TSKU: variants seen among roughly 807,000 people sequenced by gnomAD.
TSKU encodes the protein tsukushi, small leucine rich proteoglycan.
A neutral mutation model predicts 11.2 loss-of-function variants in TSKU; 4 were observed. The ratio of observed to expected loss-of-function variants is 0.36; its 90% CI spans 0.18 to 0.82. The LOEUF is 0.82. Among genes scored for constraint, TSKU ranks in the 40% least tolerant of loss-of-function variants. The pLI is 0.50. For synonymous variants in TSKU, 220 were observed against 232.2 expected (o/e 0.95, Z 0.48); for missense variants, 407 against 482.5 (o/e 0.84, Z 1.47).
In TSKU at chr11:76,796,198, C is replaced by A. The variant is rs762797946; in HGVS notation, c.582C>A (p.Asn194Lys). The change falls in exon 2 of 2, where the codon AAC becomes AAA. Residue 194 changes from asparagine (N) to lysine (K), a missense_variant. By Grantham distance (94) the Asn-to-Lys change is moderately conservative. Coordinates refer to ENST00000333090, the MANE Select transcript of TSKU (RefSeq NM_015516.4). This position sits in a 1 kb window ranked among gnomAD's most constrained non-coding sequence, Gnocchi z 4.1. Reference protein sequence around the residue: ...PTIQSLNLAWNRLHAVPNLRD... With the variant: ...PTIQSLNLAWKRLHAVPNLRD... ...TTCAGAGCCTGAACCTGGCCTGGAA[C>A]CGGCTCCATGCCGTGCCCAACCTCC... 11 of 1,613,688 alleles carry A rather than the reference C, an allele frequency of 6.8e-6. No homozygotes were observed. The highest frequency in any genetic ancestry group is 5.1e-6 in the Non-Finnish European group (6 of 1,180,018).
rs1251649994 is a variant in TSKU at position 76,796,166 on chromosome 11, C to T, written c.550C>T (p.Pro184Ser). The T allele has an allele frequency of 6.2e-7, 1 of 1,613,528 alleles. No individual in the cohort carries two copies. Among genetic ancestry groups the T allele is most frequent in the Admixed American group, 1.7e-5 (1 of 60,006 alleles). Residue 184 changes from proline (P) to serine (S), a missense_variant, in exon 2 of 2, where the codon CCC becomes TCC. Physicochemically the swap from Pro to Ser is moderately conservative, Grantham distance 74. Transcript: ENST00000333090. This position sits in a 1 kb window ranked among gnomAD's most constrained non-coding sequence, Gnocchi z 4.1. ...CCCCACGAGGGCCGGCCTGCCTGCG[C>T]CCACCATTCAGAGCCTGAACCTGGC... Reference protein sequence around the residue: ...PHPTRAGLPAPTIQSLNLAWN... With the variant: ...PHPTRAGLPASTIQSLNLAWN...
chr11:76,785,109 A>G (rs1333245489), intron 1 of TSKU, among the ~76,000 whole-genome samples: 2 of 152,236 alleles, frequency 1.3e-5, no homozygotes, highest in East Asian at 3.9e-4. Flanking sequence ...GAAGGCTGCA[A>G]TGCAACCGCC....
At chr11:76,788,140 G>A (rs1944329864) in intron 1 of TSKU, among the ~76,000 whole-genome samples, 1 of 152,006 alleles carries the variant, frequency 6.6e-6, no homozygotes. Context: ...GATTTCCTCG[G>A]CATCAGCTTG....
In TSKU at chr11:76,796,193, T is replaced by C. The variant is rs1401561795; in HGVS notation, c.577T>C (p.Trp193Arg). 1.2e-6 allele frequency: 2 copies of C among 1,613,674 alleles called. No homozygotes were observed. Among genetic ancestry groups the C allele is most frequent in the Admixed American group, 3.3e-5 (2 of 60,030 alleles). Residue 193 changes from tryptophan (W) to arginine (R), a missense_variant, in exon 2 of 2, where the codon TGG becomes CGG. Coordinates refer to ENST00000333090, the MANE Select transcript of TSKU (RefSeq NM_015516.4). This position sits in a 1 kb window ranked among gnomAD's most constrained non-coding sequence, Gnocchi z 4.1. Reference sequence around the variant, plus strand: ...CACCATTCAGAGCCTGAACCTGGCCTGGAACCGGCTCCATGCCGTGCCCAA... The same window carrying C: ...CACCATTCAGAGCCTGAACCTGGCCCGGAACCGGCTCCATGCCGTGCCCAA... ...APTIQSLNLA[W>R]NRLHAVPNLR...
chr11:76,786,447 C>T (rs534291103), intron 1 of TSKU, among the ~76,000 whole-genome samples: 6 of 152,184 alleles, frequency 3.9e-5, no homozygotes, highest in East Asian at 1.9e-4. Context: ...GAGGGAACAA[C>T]GTGTGCAAAA....
intron 1 of TSKU, among the ~76,000 whole-genome samples, chr11:76,790,750 C>G (rs189032708): frequency 1.3e-5 from 2 of 152,282 alleles, no homozygotes; most frequent in East Asian, 1.9e-4. Context: ...TATATGTTGC[C>G]CAGTCTCAGG....
chr11:76,795,709 C>T lies in TSKU; in HGVS notation c.93C>T (p.Phe31=), dbSNP rs761387735. 54 of 1,614,086 alleles carry T rather than the reference C, an allele frequency of 3.3e-5. No homozygotes were observed. In the East Asian group the frequency reaches 8.9e-4, roughly 27 times the overall value. ...FPGCQCEVET[F]GLFDSFSLTR... ...GGTGCCAATGCGAGGTGGAGACCTTCGGCCTTTTCGACAGCTTCAGCCTGA... is the reference window on the plus strand; with the variant it reads ...GGTGCCAATGCGAGGTGGAGACCTTTGGCCTTTTCGACAGCTTCAGCCTGA... Residue 31 remains phenylalanine (F), a synonymous_variant, in exon 2 of 2, where the codon TTC becomes TTT. Transcript: ENST00000333090.
intron 1 of TSKU, among the ~76,000 whole-genome samples, chr11:76,789,014 A>G (rs1025774251): frequency 1.2e-4 from 18 of 152,328 alleles, no homozygotes; most frequent in Admixed American, 9.8e-4. Flanking sequence ...GGCCAGGGGC[A>G]GGCGGGATGG....
intron 1 of TSKU, among the ~76,000 whole-genome samples, chr11:76,783,644 G>A (rs992209566): frequency 6.6e-6 from 1 of 152,178 alleles, no homozygotes; most frequent in Non-Finnish European, 1.5e-5. Context: ...GGGGCCGTGT[G>A]GGTCTTTGTG....
At position 76,795,999 on chromosome 11, in the gene TSKU, TCAC is replaced by T. The variant is rs759226657; in HGVS notation, c.386_388del (p.Thr129del). On this transcript the variant is annotated inframe_deletion, in exon 2 of 2. Transcript: ENST00000333090. ...CTGACAGCCCTGCCAGCCGAGAGCT[TCAC>T]CAGCTCACCCCTGAGCGACGTGAAC... 1.1e-4 allele frequency: 182 copies of T among 1,613,650 alleles called. No homozygotes were observed. Among genetic ancestry groups the T allele is most frequent in the Non-Finnish European group, 4.4e-5 (52 of 1,179,952 alleles).
At chr11:76,783,623 G>C (rs1944267954) in intron 1 of TSKU, among the ~76,000 whole-genome samples, 1 of 152,220 alleles carries the variant, frequency 6.6e-6, no homozygotes, top group Non-Finnish European at 1.5e-5. Flanking sequence ...GGGAGACAAA[G>C]GCTACGCCCA....
At chr11:76,782,499 T>TG (rs1218817717), upstream of TSKU, 1 of 151,616 alleles carries the variant, frequency 6.6e-6, no homozygotes, top group Non-Finnish European at 1.5e-5. Flanking sequence ...TCCTAGGAAA[T>TG]GCGTCCACCA....
intron 1 of TSKU, among the ~76,000 whole-genome samples, chr11:76,794,150 C>T (rs947671126): frequency 4.6e-5 from 7 of 152,122 alleles, no homozygotes; most frequent in Middle Eastern, 3.2e-3. Context: ...TGTGCAGGGC[C>T]GGGGTGACGA....
intron 1 of TSKU, among the ~76,000 whole-genome samples, chr11:76,793,823 C>G (rs143595194): frequency 6.6e-6 from 1 of 152,034 alleles, no homozygotes; most frequent in African/African-American, 2.4e-5. Context: ...GAGGGTCCCA[C>G]ATGGGGAGGG....
chr11:76,787,550 C>A (rs748151928), intron 1 of TSKU, among the ~76,000 whole-genome samples: 3 of 152,154 alleles, frequency 2.0e-5, no homozygotes, highest in Non-Finnish European at 2.9e-5. Context: ...ATCTAACCTG[C>A]TGATCCTGCA....
At chr11:76,788,560 G>A (rs1183585453) in intron 1 of TSKU, among the ~76,000 whole-genome samples, 3 of 152,176 alleles carry the variant, frequency 2.0e-5, no homozygotes, top group South Asian at 2.1e-4. Flanking sequence ...GCAAATCACC[G>A]TCATTGTCTA....
At chr11:76,792,500 T>C (rs1348542898) in intron 1 of TSKU, 1 of 152,178 alleles carries the variant, frequency 6.6e-6, no homozygotes, top group Non-Finnish European at 1.5e-5. Context: ...AATGATATGG[T>C]TTAGCTGTGC....
chr11:76,795,647 G>C lies in TSKU; in HGVS notation c.31G>C (p.Val11Leu), dbSNP rs202220235. 6 of 1,613,032 alleles carry C rather than the reference G, an allele frequency of 3.7e-6. No homozygotes were observed. The highest frequency in any genetic ancestry group is 4.2e-6 in the Non-Finnish European group (5 of 1,179,896). ...GTGGCCCCTGCTGCTGCTGCTGGCC[G>C]TGAGTGGGGCCCAGACAACCCGGCC... Reference protein sequence around the residue: MPWPLLLLLAVSGAQTTRPCF... With the variant: MPWPLLLLLALSGAQTTRPCF... Residue 11 changes from valine to leucine, a missense_variant, in exon 2 of 2, where the codon GTG becomes CTG. Transcript: ENST00000333090.
At chr11:76,794,730 A>G (rs564648702) in intron 1 of TSKU, among the ~76,000 whole-genome samples, 5 of 152,152 alleles carry the variant, frequency 3.3e-5, no homozygotes, top group African/African-American at 1.2e-4. Context: ...CCCAAAACCC[A>G]TCTGGGAATC....
Sources: allele counts gnomAD v4.1 joint callset (sites outside exome capture counted in the v4.1 genomes callset), GRCh38; gene constraint gnomAD v4.1.1; non-coding constraint Gnocchi (gnomAD v3.1); transcripts MANE v1.5; gene names NCBI Gene and HGNC (gene_info 2026-07-23, HGNC 2026-07-21).